Variants in RASSF4 observed in about 807,000 individuals in gnomAD.
RASSF4 encodes ras association domain-containing protein 4.
A neutral mutation model predicts 41.1 loss-of-function variants in RASSF4; 38 were observed. That is an observed-to-expected ratio of 0.92 (90% CI 0.71 to 1.21). The LOEUF is 1.21. RASSF4 is among the 50% of genes most tolerant of loss of function. RASSF4 has a pLI of 0.00. For missense variants in RASSF4, 414 were observed against 419.4 expected (o/e 0.99, Z 0.11); for synonymous variants, 179 against 163.4 (o/e 1.10, Z -0.73).
chr10:44,974,574 G>A (rs988740967), intron 3 of RASSF4, among the ~76,000 whole-genome samples: 24 of 152,228 alleles, frequency 1.6e-4, no homozygotes, highest in Non-Finnish European at 1.3e-4. Context: ...TCTCAGGCTG[G>A]CGAAGGGCTC....
At chr10:44,964,639 A>T (rs1163652870) in intron 1 of RASSF4, among the ~76,000 whole-genome samples, 1 of 152,218 alleles carries the variant, frequency 6.6e-6, no homozygotes, top group African/African-American at 2.4e-5. Flanking sequence ...TGTGCTGTTT[A>T]TAAAAGACTG....
At chr10:44,989,138 TGC>T in intron 6 of RASSF4, 134 bp from the exon 7 acceptor site, 1 of 613,356 alleles carries the variant, frequency 1.6e-6, no homozygotes, top group South Asian at 2.0e-5. Context: ...AGCTTATGTG[TGC>T]ATCAGCGTGA....
In RASSF4 at chr10:44,984,407, C is replaced by T. The variant is rs74586571; in HGVS notation, c.373+294C>T. 3,130 of 508,086 alleles carry T rather than the reference C, an allele frequency of 6.2e-3. 81 individuals carry two copies. The highest frequency in any genetic ancestry group is 0.05 in the African/African-American group (2,597 of 52,392). The allele number at this position is 508,086 out of a possible 1,614,324, so 31.5% of individuals were successfully genotyped here. A position where few individuals can be genotyped will look rare whatever the true frequency, so the allele number is the denominator to read the frequency against. Reference sequence around the variant, plus strand: ...ACAGGAGCATCCACAGAAGGCACTGCGCTCTCCTGGCCCCTCACCTCCCTC... The same window carrying T: ...ACAGGAGCATCCACAGAAGGCACTGTGCTCTCCTGGCCCCTCACCTCCCTC... On this transcript the variant is annotated intron_variant, in intron 5 of 10. Transcript: ENST00000340258.
At chr10:44,979,334 ATTTG>A (rs1446530652) in intron 3 of RASSF4, among the ~76,000 whole-genome samples, 4 of 152,004 alleles carry the variant, frequency 2.6e-5, no homozygotes, top group African/African-American at 4.8e-5. Flanking sequence ...CTTTCGGAGG[ATTTG>A]TTTGTTTACT....
intron 2 of RASSF4, 198 bp from the exon 3 acceptor site, chr10:44,971,575 C>G (rs930347552): frequency 1.5e-6 from 1 of 683,216 alleles, no homozygotes; most frequent in Non-Finnish European, 2.7e-6. Flanking sequence ...GACCCCCATG[C>G]CCCCCACCAG....
chr10:44,990,160 C>G (rs1404836637), intron 8 of RASSF4, among the ~76,000 whole-genome samples: 2 of 152,194 alleles, frequency 1.3e-5, no homozygotes, highest in Non-Finnish European at 2.9e-5. Flanking sequence ...CCTGGCCCTC[C>G]CGTCTCAGCT....
intron 6 of RASSF4, among the ~76,000 whole-genome samples, chr10:44,987,409 T>C (rs949502053): frequency 6.6e-6 from 1 of 152,172 alleles, no homozygotes; most frequent in Non-Finnish European, 1.5e-5. Context: ...CTCTTCCATA[T>C]TTCTTTGGAC....
rs1414074132 is a variant in RASSF4, at chr10:44,994,436, A to C, written c.*1107A>C. 1 of 152,664 alleles carries C rather than the reference A, an allele frequency of 6.6e-6. No homozygotes were observed. The highest frequency in any genetic ancestry group is 2.4e-5 in the African/African-American group (1 of 41,460). The allele number at this position is 152,664 out of a possible 1,614,324, so 9.5% of individuals were successfully genotyped here. A position where few individuals can be genotyped will look rare whatever the true frequency, so the allele number is the denominator to read the frequency against. On this transcript the variant is annotated 3_prime_UTR_variant, in exon 11 of 11. Coordinates refer to ENST00000340258, the MANE Select transcript of RASSF4 (RefSeq NM_032023.4). Reference sequence around the variant, plus strand: ...TGAGGTCCGTGGATGGCAGATTTAAAGGGAAGAACCACAAAGGCTTGCAAA... The same window carrying C: ...TGAGGTCCGTGGATGGCAGATTTAACGGGAAGAACCACAAAGGCTTGCAAA...
At chr10:44,989,459 C>T (rs77434740) in intron 7 of RASSF4, 84 bp downstream of exon 7, 11 of 1,087,180 alleles carry the variant, frequency 1.0e-5, no homozygotes, top group Admixed American at 7.7e-5. Context: ...GAAAGCTGCC[C>T]GTGGCAGAAG....
At chr10:44,968,421 C>T (rs1840990984) in intron 1 of RASSF4, among the ~76,000 whole-genome samples, 1 of 152,180 alleles carries the variant, frequency 6.6e-6, no homozygotes, top group Non-Finnish European at 1.5e-5. Context: ...TGACATCTCT[C>T]CAGGCCCTGA....
chr10:44,980,481 A>T (rs1841662225), intron 3 of RASSF4, among the ~76,000 whole-genome samples: 1 of 152,158 alleles, frequency 6.6e-6, no homozygotes, highest in Admixed American at 6.5e-5. Flanking sequence ...GGGGGCACAC[A>T]CATCACCTGT....
intron 3 of RASSF4, chr10:44,978,753 G>A (rs1240283929): frequency 6.6e-6 from 1 of 152,534 alleles, no homozygotes. Flanking sequence ...TCGCTGGGAG[G>A]AGGACAGTGC....
intron 1 of RASSF4, among the ~76,000 whole-genome samples, chr10:44,965,196 TGAGG>T (rs1377365944): frequency 6.6e-6 from 1 of 152,238 alleles, no homozygotes; most frequent in Admixed American, 6.5e-5. Flanking sequence ...TATACCATTT[TGAGG>T]TTACAGAAAG....
In RASSF4 at chr10:44,991,922, G is replaced by A; in HGVS notation, c.825G>A (p.Lys275=). 1 of 1,612,926 alleles carries A rather than the reference G, an allele frequency of 6.2e-7. No homozygotes were observed. The highest frequency in any genetic ancestry group is 1.1e-5 in the South Asian group (1 of 91,034). The change falls in exon 10 of 11, where the codon AAG becomes AAA. Residue 275 remains lysine (K), a synonymous_variant. Coordinates refer to ENST00000340258, the MANE Select transcript of RASSF4 (RefSeq NM_032023.4). ...EVPHEVAQYI[K]FEMPVLDSFV... is the part of the protein sequence containing the mutation. The stretch of plus-strand genomic sequence containing the variant: ...TTTTCTAGGTCGCTCAGTACATTAA[G>A]TTTGAAATGCCGGTGCTGGACAGTT...
At chr10:44,970,522 A>C (rs1013954267) in intron 2 of RASSF4, 1 of 469,146 alleles carries the variant, frequency 2.1e-6, no homozygotes, top group Non-Finnish European at 3.8e-6. Context: ...AGGTGTGTAC[A>C]GGGCCTCATT....
At chr10:44,991,510 T>A (rs1022187347) in intron 9 of RASSF4, among the ~76,000 whole-genome samples, 1 of 152,210 alleles carries the variant, frequency 6.6e-6, no homozygotes, top group Non-Finnish European at 1.5e-5. Flanking sequence ...AGAAGATGCT[T>A]ACAGGGTTTG....
chr10:44,985,527 T>G (rs1272339322), intron 6 of RASSF4, among the ~76,000 whole-genome samples: 1 of 152,262 alleles, frequency 6.6e-6, no homozygotes, highest in Non-Finnish European at 1.5e-5. Context: ...ATAGAATGAT[T>G]GGCTGTCTGG....
rs1238422741 is a variant in RASSF4 at position 44,994,027 on chromosome 10, A to G, written c.*698A>G. ...ACACGGTCATTCAATCACATTGAGG[A>G]GGGTCCACATGGCATTGAGAGGGTG... On this transcript the variant is annotated 3_prime_UTR_variant, in exon 11 of 11. Transcript: ENST00000340258. 6.6e-6 allele frequency: 1 copy of G among 152,270 alleles called. No homozygotes were observed. The highest frequency in any genetic ancestry group is 1.5e-5 in the Non-Finnish European group (1 of 68,098). 9.4% of individuals were successfully genotyped at this position (152,270 alleles called of 1,614,324 possible).
intron 1 of RASSF4, among the ~76,000 whole-genome samples, chr10:44,967,405 A>G (rs1013122250): frequency 2.6e-5 from 4 of 152,244 alleles, no homozygotes; most frequent in Admixed American, 1.3e-4. Context: ...CCACACGGGC[A>G]TTCCAGGGAC....
Sources: allele counts gnomAD v4.1 joint callset (sites outside exome capture counted in the v4.1 genomes callset), GRCh38; gene constraint gnomAD v4.1.1; transcripts MANE v1.5; gene names NCBI Gene and HGNC (gene_info 2026-07-23, HGNC 2026-07-21).